The following KIF21A variants were observed in gnomAD, a reference collection of about 807,000 sequenced individuals.
The protein encoded by KIF21A is kinesin family member 21A.
In KIF21A, 114 loss-of-function variants were observed where a neutral mutation model predicts 202.9. That is an observed-to-expected ratio of 0.56 (90% CI 0.48 to 0.66). KIF21A has a LOEUF of 0.66. KIF21A is among the 30% of genes least tolerant of loss of function. The probability of loss-of-function intolerance (pLI) is 0.00; values close to 1 mark genes in which losing one functional copy is unlikely to be tolerated. For missense variants in KIF21A, 1,677 were observed against 1,994.9 expected (o/e 0.84, Z 3.04); for synonymous variants, 667 against 670.8 (o/e 0.99, Z 0.09).
At chr12:39,439,828 C>G (rs1464711050) in intron 1 of KIF21A, among the ~76,000 whole-genome samples, 51 of 152,262 alleles carry the variant, frequency 3.3e-4, no homozygotes, top group Non-Finnish European at 2.9e-5. Flanking sequence ...GAGAATCTTT[C>G]TGTTTAACAT....
intron 26 of KIF21A, among the ~76,000 whole-genome samples, chr12:39,323,091 A>G (rs1369380074): frequency 7.3e-6 from 1 of 137,106 alleles, no homozygotes; most frequent in African/African-American, 2.6e-5. Flanking sequence ...CAACATTTGT[A>G]TTGTACTTAT....
At chr12:39,301,158 T>A (rs1414425718) in intron 37 of KIF21A, among the ~76,000 whole-genome samples, 1 of 152,200 alleles carries the variant, frequency 6.6e-6, no homozygotes, top group East Asian at 1.9e-4. Flanking sequence ...ATGGCAAATT[T>A]GTTGCCTTTC....
chr12:39,335,922 C>T (rs1946924294), intron 17 of KIF21A, among the ~76,000 whole-genome samples: 3 of 152,122 alleles, frequency 2.0e-5, no homozygotes, highest in Admixed American at 1.3e-4. Flanking sequence ...ACCTCACTAC[C>T]CCCCTTTTCT....
chr12:39,410,829 T>C (rs1383837923), intron 1 of KIF21A, among the ~76,000 whole-genome samples: 3 of 152,160 alleles, frequency 2.0e-5, no homozygotes, highest in Non-Finnish European at 4.4e-5. Context: ...CTCTATATAC[T>C]GGAAAATAAG....
intron 8 of KIF21A, 125 bp from the exon 9 acceptor site, chr12:39,357,562 G>T: frequency 1.3e-6 from 1 of 777,580 alleles, no homozygotes; most frequent in Non-Finnish European, 2.2e-6. Context: ...CAACCCCAAG[G>T]CAAAAGAAAT....
chr12:39,316,151 T>C (rs945355548), intron 29 of KIF21A, among the ~76,000 whole-genome samples, 181 bp from the exon 30 acceptor site: 13 of 152,128 alleles, frequency 8.5e-5, no homozygotes, highest in African/African-American at 2.9e-4. Flanking sequence ...CTAAGTTACG[T>C]AAAAAGTTTG....
Position 39,331,730 on chromosome 12 carries a change from C to A in KIF21A, c.3113G>T (p.Arg1038Leu). The A allele has an allele frequency of 1.9e-6, 3 of 1,613,522 alleles. No individual in the cohort carries two copies. The highest frequency in any genetic ancestry group is 2.5e-6 in the Non-Finnish European group (3 of 1,179,590). Reference sequence around the variant, plus strand: ...TGACAGGAAGTGATCTAGCAGGTATCGGGCTTCTGTAAGGGTGCAGGCATT... The same window carrying A: ...TGACAGGAAGTGATCTAGCAGGTATAGGGCTTCTGTAAGGGTGCAGGCATT... ...VINACTLTEA[R>L]YLLDHFLSMG... is the part of the protein sequence containing the mutation. Residue 1038 changes from arginine to leucine, a missense_variant, in exon 22 of 38, where the codon CGA (arginine) becomes CTA (leucine). This residue lies in a region of KIF21A where 705 missense variants were observed against 791.9 expected (regional missense o/e 0.89). Coordinates refer to ENST00000361418, the MANE Select transcript of KIF21A (RefSeq NM_001173464.2).
chr12:39,300,345 A>G (rs922636126), intron 37 of KIF21A, among the ~76,000 whole-genome samples: 1 of 152,198 alleles, frequency 6.6e-6, no homozygotes, highest in African/African-American at 2.4e-5. Flanking sequence ...TCTTGGAAAT[A>G]GCATCAATGA....
At chr12:39,419,412 C>T (rs1165310520) in intron 1 of KIF21A, among the ~76,000 whole-genome samples, 6 of 152,162 alleles carry the variant, frequency 3.9e-5, no homozygotes, top group Non-Finnish European at 8.8e-5. Context: ...ATAGTGTAAA[C>T]AGTTCCTTTT....
Position 39,330,761 on chromosome 12 carries a change from C to G in KIF21A, c.3304G>C (p.Gly1102Arg). 1.9e-6 allele frequency: 3 copies of G among 1,613,896 alleles called. No homozygotes were observed. The highest frequency in any genetic ancestry group is 2.5e-6 in the Non-Finnish European group (3 of 1,179,840). Residue 1102 changes from glycine to arginine, a missense_variant, in exon 23 of 38, where the codon GGC becomes CGC. Transcript: ENST00000361418. ...AGCAAATTACCTTGTAAAGCATGGCCTAGTAAAGCATCTAGCTCAGGATTT... is the reference window on the plus strand; with the variant it reads ...AGCAAATTACCTTGTAAAGCATGGCGTAGTAAAGCATCTAGCTCAGGATTT... ...ELNPELDALL[G>R]HALQDLDSVP... is the part of the protein sequence containing the mutation.
At chr12:39,410,909 G>C (rs763730916) in intron 1 of KIF21A, among the ~76,000 whole-genome samples, 1 of 152,144 alleles carries the variant, frequency 6.6e-6, no homozygotes, top group Non-Finnish European at 1.5e-5. Flanking sequence ...CTGGAGGAAT[G>C]GAGGGAGGGA....
At chr12:39,381,763 GT>G (rs1050396436) in intron 1 of KIF21A, among the ~76,000 whole-genome samples, 11 of 152,304 alleles carry the variant, frequency 7.2e-5, no homozygotes, top group African/African-American at 2.6e-4. Context: ...GGTGGAACCT[GT>G]AATTATGAGG....
chr12:39,348,412 T>C (rs373776677), intron 11 of KIF21A, among the ~76,000 whole-genome samples: 10 of 152,082 alleles, frequency 6.6e-5, no homozygotes, highest in African/African-American at 2.2e-4. Flanking sequence ...CACAAAAAGG[T>C]AGAAGAGCAA....
chr12:39,392,530 T>A (rs1951445746), intron 1 of KIF21A, among the ~76,000 whole-genome samples: 1 of 152,140 alleles, frequency 6.6e-6, no homozygotes, highest in Non-Finnish European at 1.5e-5. Context: ...CCTTTGTTTC[T>A]TTGTGGCATA....
intron 1 of KIF21A, among the ~76,000 whole-genome samples, chr12:39,439,538 A>C (rs555164191): frequency 6.6e-6 from 1 of 152,318 alleles, no homozygotes; most frequent in Non-Finnish European, 1.5e-5. Flanking sequence ...ACAGCTGAAA[A>C]AGTAGATCCA....
chr12:39,384,506 T>C (rs528010148), intron 1 of KIF21A, among the ~76,000 whole-genome samples: 1 of 152,300 alleles, frequency 6.6e-6, no homozygotes, highest in South Asian at 2.1e-4. Flanking sequence ...CCCCCATTCT[T>C]GGACAAGGCT....
chr12:39,334,380 A>G (rs370959494), intron 17 of KIF21A, among the ~76,000 whole-genome samples: 2 of 152,134 alleles, frequency 1.3e-5, no homozygotes, highest in South Asian at 2.1e-4. Flanking sequence ...TTTAACAAAT[A>G]ATCACTCGTG....
intron 29 of KIF21A, among the ~76,000 whole-genome samples, chr12:39,317,808 T>C (rs1043819801): frequency 2.0e-5 from 3 of 152,168 alleles, no homozygotes; most frequent in Non-Finnish European, 4.4e-5. Context: ...CAGTTCTAAT[T>C]TACTTGTAAA....
Position 39,332,361 on chromosome 12 carries a change from C to A in KIF21A, c.2904G>T (p.Arg968Ser). Reference sequence around the variant, plus strand: ...CTCCATTCTCCTTGACTATCTTCTCCCTTCTTTTTGAAAGTTTCTCTCGTC... The same window carrying A: ...CTCCATTCTCCTTGACTATCTTCTCACTTCTTTTTGAAAGTTTCTCTCGTC... ...TKRREKLSKR[R>S]EKIVKENGEG... The change falls in exon 21 of 38, where the codon AGG (arginine) becomes AGT (serine). Residue 968 changes from arginine (R) to serine (S), a missense_variant. Arg to Ser is a moderately radical substitution (Grantham distance 110). Coordinates refer to ENST00000361418, the MANE Select transcript of KIF21A (RefSeq NM_001173464.2). The A allele has an allele frequency of 6.2e-7, 1 of 1,613,908 alleles. No homozygotes were observed. The highest frequency in any genetic ancestry group is 8.5e-7 in the Non-Finnish European group (1 of 1,179,964).
Sources: allele counts gnomAD v4.1 joint callset (sites outside exome capture counted in the v4.1 genomes callset), GRCh38; gene constraint gnomAD v4.1.1; regional missense constraint gnomAD v4.1.1; transcripts MANE v1.5; gene names NCBI Gene and HGNC (gene_info 2026-07-23, HGNC 2026-07-21).